The following BTNL8 variants were observed in gnomAD, a reference collection of about 807,000 sequenced individuals.
BTNL8 encodes the protein butyrophilin-like protein 8.
BTNL8 carries 22 observed loss-of-function variants against 36.1 expected under a neutral mutation model. The observed-to-expected ratio is 0.61, with a 90% confidence interval of 0.44 to 0.87. The LOEUF is 0.87. BTNL8 is among the 40% of genes least tolerant of loss of function. BTNL8 has a pLI of 0.00. For missense variants in BTNL8, 526 were observed against 616.9 expected, an observed-to-expected ratio of 0.85 and a Z score of 1.56; for synonymous variants, 203 against 235.6, an observed-to-expected ratio of 0.86 and a Z score of 1.27.
Position 180,950,066 on chromosome 5 carries a change from A to G in BTNL8, c.1025A>G (p.Tyr342Cys), listed in dbSNP as rs188974899. ...ASQSFQAGKH[Y>C]WEVDGGHNKR... Reference sequence around the variant, plus strand: ...CAGAGTTTCCAAGCAGGGAAACATTACTGGGAGGTGGACGGAGGACACAAT... The same window carrying G: ...CAGAGTTTCCAAGCAGGGAAACATTGCTGGGAGGTGGACGGAGGACACAAT... The change falls in exon 8 of 8, where the codon TAC (tyrosine) becomes TGC (cysteine). Residue 342 changes from tyrosine to cysteine, a missense_variant. Physicochemically the swap from Tyr to Cys is radical, Grantham distance 194. Transcript: ENST00000340184. 7,047 of 1,462,806 alleles carry G rather than the reference A, an allele frequency of 4.8e-3. 1,673 individuals carry two copies. Among genetic ancestry groups the G allele is most frequent in the Non-Finnish European group, 5.9e-3 (6,219 of 1,058,744 alleles). 90.6% of individuals were successfully genotyped at this position (1,462,806 alleles called of 1,614,324 possible).
chr5:180,921,659 C>CCA (rs1363163740), intron 3 of BTNL8, among the ~76,000 whole-genome samples: 14 of 122,104 alleles, frequency 1.1e-4, no homozygotes, highest in Non-Finnish European at 2.1e-4. Context: ...TCTGCTCATA[C>CCA]TACACACACA....
At chr5:180,927,661 C>T (rs1184816610) in intron 3 of BTNL8, among the ~76,000 whole-genome samples, 1 of 152,084 alleles carries the variant, frequency 6.6e-6, no homozygotes, top group Non-Finnish European at 1.5e-5. Flanking sequence ...CTGAAAAACA[C>T]AGCATGAGAA....
intron 3 of BTNL8, among the ~76,000 whole-genome samples, chr5:180,941,106 A>G (rs141994092): frequency 0.037 from 3,039 of 81,280 alleles, 62 homozygotes; most frequent in East Asian, 0.1. Flanking sequence ...GGGAGGAAGG[A>G]AGGGAGGAAG....
At chr5:180,909,345 C>G (rs1757276261) in intron 2 of BTNL8, among the ~76,000 whole-genome samples, 1 of 152,214 alleles carries the variant, frequency 6.6e-6, no homozygotes, top group Non-Finnish European at 1.5e-5. Context: ...CAAATTATTG[C>G]TTGTATCGAT....
chr5:180,920,786 A>G (rs2113805225), intron 3 of BTNL8, among the ~76,000 whole-genome samples: 1 of 152,236 alleles, frequency 6.6e-6, no homozygotes, highest in South Asian at 2.1e-4. Flanking sequence ...GTACATGAAT[A>G]AACATTTTCC....
At chr5:180,931,312 G>A (rs893862789) in intron 3 of BTNL8, among the ~76,000 whole-genome samples, 1 of 152,130 alleles carries the variant, frequency 6.6e-6, no homozygotes, top group African/African-American at 2.4e-5. Flanking sequence ...ATTAACTCAA[G>A]ATGGATTATA....
At chr5:180,945,831 G>A (rs1038884615) in intron 3 of BTNL8, 17 of 499,538 alleles carry the variant, frequency 3.4e-5, no homozygotes, top group East Asian at 2.7e-4. Flanking sequence ...AGTCTGATCC[G>A]GAAATATGGC....
intron 3 of BTNL8, among the ~76,000 whole-genome samples, chr5:180,917,057 T>C (rs892995660): frequency 2.3e-4 from 31 of 135,492 alleles, no homozygotes; most frequent in Admixed American, 1.1e-3. Flanking sequence ...GTCAACAAAC[T>C]GGATAACCTA....
intron 3 of BTNL8, among the ~76,000 whole-genome samples, chr5:180,913,120 G>A (rs1464919454): frequency 2.6e-5 from 4 of 152,284 alleles, no homozygotes; most frequent in Middle Eastern, 3.4e-3. Context: ...GGCATTGACT[G>A]GGAAGAAATG....
chr5:180,946,003 A>C (rs1441897370), intron 3 of BTNL8: 1 of 164,328 alleles, frequency 6.1e-6, no homozygotes, highest in Non-Finnish European at 1.3e-5. Context: ...ATAAATAAAT[A>C]AATAAATAAA....
intron 1 of BTNL8, among the ~76,000 whole-genome samples, chr5:180,903,824 CA>C (rs1756947412): frequency 6.9e-6 from 1 of 145,380 alleles, no homozygotes; most frequent in East Asian, 2.0e-4. Context: ...TGTCAAAGAT[CA>C]GATAGTTGTA....
intron 3 of BTNL8, among the ~76,000 whole-genome samples, chr5:180,941,363 T>G: frequency 6.6e-6 from 1 of 152,188 alleles, no homozygotes; most frequent in Non-Finnish European, 1.5e-5. Context: ...TGGATTCTAT[T>G]AAACTTTTAA....
At position 180,902,035 on chromosome 5, in the gene BTNL8, T is replaced by C. The variant is rs367555499; in HGVS notation, c.49+2676T>C. On this transcript the variant is annotated intron_variant, in intron 1 of 7. Transcript: ENST00000340184. ...GCAGAAATGTAACATTCCTCTATAG[T>C]AGCCATAAAATATTGATATAATATT... is the stretch of plus-strand genomic sequence containing the variant. Among the ~76,000 whole-genome samples the C allele has an allele frequency of 9.7e-4, 148 of 152,306 alleles. 1 individual carries two copies. The South Asian group carries it at 0.028, about 29-fold the overall frequency.
In BTNL8 at chr5:180,911,341, C is replaced by A. The variant is rs976064102; in HGVS notation, c.400C>A (p.Leu134Met). The A allele has an allele frequency of 9.3e-6, 15 of 1,613,914 alleles. No homozygotes were observed. Among genetic ancestry groups the A allele is most frequent in the Non-Finnish European group, 1.3e-5 (15 of 1,179,940 alleles). The change falls in exon 3 of 8, where the codon CTG becomes ATG. Residue 134 changes from leucine to methionine, a missense_variant and splice_region_variant. Transcript: ENST00000340184. ...KAIWELQVSA[L>M]GSVPLISITG... ...ACCGTTCCCTGTTTTCTCCCCAGCACTGGGCTCAGTTCCTCTCATTTCCAT... is the reference window on the plus strand; with the variant it reads ...ACCGTTCCCTGTTTTCTCCCCAGCAATGGGCTCAGTTCCTCTCATTTCCAT...
At chr5:180,905,076 G>C (rs1170946510) in intron 1 of BTNL8, among the ~76,000 whole-genome samples, 1 of 151,202 alleles carries the variant, frequency 6.6e-6, no homozygotes, top group African/African-American at 2.5e-5. Context: ...TTTTTCTATT[G>C]AATGGAATGG....
chr5:180,942,472 C>T (rs919591631), intron 3 of BTNL8, among the ~76,000 whole-genome samples: 2 of 152,092 alleles, frequency 1.3e-5, no homozygotes, highest in African/African-American at 4.8e-5. Flanking sequence ...ACAAAAGACT[C>T]CAAACAGCCA....
At chr5:180,907,997 G>A (rs1023555154) in intron 1 of BTNL8, among the ~76,000 whole-genome samples, 1 of 149,870 alleles carries the variant, frequency 6.7e-6, no homozygotes, top group Admixed American at 6.6e-5. Context: ...GCCCCCAGAG[G>A]TGGAGCCTAC....
intron 2 of BTNL8, among the ~76,000 whole-genome samples, chr5:180,910,823 C>T (rs1309140500): frequency 1.3e-5 from 2 of 152,200 alleles, no homozygotes; most frequent in East Asian, 1.9e-4. Context: ...ATTCATAAAG[C>T]TGTGAAGCCT....
In BTNL8 at chr5:180,947,812, G is replaced by A. The variant is rs182695105; in HGVS notation, c.787+187G>A. The A allele has an allele frequency of 2.7e-4, 423 of 1,575,252 alleles. 2 individuals carry two copies. The highest frequency in any genetic ancestry group is 9.6e-4 in the African/African-American group (71 of 73,686). On this transcript the variant is annotated intron_variant, in intron 4 of 7. Transcript: ENST00000340184. ...CTCTTCCTCTGGAAATATCAACTAC[G>A]ACAGCCCCTTGCTACTTCATTTAGG...
Sources: gnomAD v4.1 joint callset for allele counts (sites outside exome capture counted in the v4.1 genomes callset) on GRCh38, gnomAD v4.1.1 for gene constraint, MANE v1.5 for transcripts, NCBI Gene and HGNC (gene_info 2026-07-23, HGNC 2026-07-21) for gene names.